The following COL8A1 variants were observed in gnomAD, a reference collection of about 807,000 sequenced individuals.
COL8A1 encodes the protein collagen type VIII alpha 1 chain.
COL8A1 carries 21 observed loss-of-function variants against 42.7 expected under a neutral mutation model. The observed-to-expected ratio is 0.49, with a 90% CI of 0.35 to 0.71. The LOEUF (loss-of-function observed/expected upper bound fraction) is 0.71, where lower values mean the gene tolerates loss of function less well. COL8A1 is among the 30% of genes least tolerant of loss of function. The pLI, the probability that COL8A1 is intolerant of heterozygous loss-of-function variation, is 0.01. For missense variants in COL8A1, 788 were observed against 962.4 expected, an observed-to-expected ratio of 0.82 and a Z score of 2.40; for synonymous variants, 367 against 369.1, an observed-to-expected ratio of 0.99 and a Z score of 0.06.
intron 2 of COL8A1, among the ~76,000 whole-genome samples, chr3:99,750,315 C>A (rs1009294328): frequency 1.3e-5 from 2 of 152,016 alleles, no homozygotes; most frequent in South Asian, 4.1e-4. Flanking sequence ...CCTCAGCCTC[C>A]CAAAGTGCTG....
At chr3:99,748,383 T>C (rs997517066) in intron 2 of COL8A1, among the ~76,000 whole-genome samples, 23 of 152,174 alleles carry the variant, frequency 1.5e-4, no homozygotes, top group Non-Finnish European at 4.4e-5. Flanking sequence ...TTCTAAGACT[T>C]GGAATGAAAA....
intron 1 of COL8A1, among the ~76,000 whole-genome samples, chr3:99,692,233 C>G (rs941435352): frequency 6.6e-6 from 1 of 152,146 alleles, no homozygotes; most frequent in Non-Finnish European, 1.5e-5. Flanking sequence ...TGCTCACAAG[C>G]CCAGTTTTAA....
chr3:99,688,486 C>G (rs1559779334), intron 1 of COL8A1, among the ~76,000 whole-genome samples: 2 of 152,194 alleles, frequency 1.3e-5, no homozygotes, highest in East Asian at 1.9e-4. Context: ...CTATAAGAAC[C>G]CTGGTGATCA....
At chr3:99,788,041 C>A (rs773098992) in intron 2 of COL8A1, among the ~76,000 whole-genome samples, 113 of 152,286 alleles carry the variant, frequency 7.4e-4, no homozygotes, top group Middle Eastern at 3.4e-3. Context: ...TTCTTTCTTG[C>A]CAGGTGTTTG....
intron 2 of COL8A1, among the ~76,000 whole-genome samples, chr3:99,779,900 T>C (rs935196806): frequency 6.6e-6 from 1 of 152,164 alleles, no homozygotes; most frequent in African/African-American, 2.4e-5. Context: ...TTATCATCGA[T>C]CTCAAGAACA....
At chr3:99,698,236 T>C (rs1309334125) in intron 1 of COL8A1, among the ~76,000 whole-genome samples, 4 of 152,230 alleles carry the variant, frequency 2.6e-5, no homozygotes, top group Non-Finnish European at 5.9e-5. Context: ...TTTGGGTTGC[T>C]TCCAAGTCTT....
chr3:99,795,947 C>T lies in COL8A1; in HGVS notation c.2046C>T (p.Asn682=), dbSNP rs758925301. ...GNVWVALFKN[N]EPVMYTYDEY... ...TGTGGGTTGCTCTATTCAAGAACAA[C>T]GAGCCCGTGATGTACACGTACGACG... The change falls in exon 4 of 4, where the codon AAC becomes AAT. Residue 682 remains asparagine, a synonymous_variant. Coordinates refer to ENST00000652472, the MANE Select transcript of COL8A1 (RefSeq NM_020351.4). 15 of 1,613,976 alleles carry T rather than the reference C, an allele frequency of 9.3e-6. No homozygotes were observed. The highest frequency in any genetic ancestry group is 3.3e-5 in the Admixed American group (2 of 60,002).
At chr3:99,673,351 T>A (rs1025279895) in intron 1 of COL8A1, among the ~76,000 whole-genome samples, 1 of 151,938 alleles carries the variant, frequency 6.6e-6, no homozygotes, top group African/African-American at 2.4e-5. Flanking sequence ...AGAGTAAAAG[T>A]CCTTAAATTT....
chr3:99,751,559 A>T (rs978734388), intron 2 of COL8A1, among the ~76,000 whole-genome samples: 12 of 152,232 alleles, frequency 7.9e-5, no homozygotes, highest in African/African-American at 2.2e-4. Flanking sequence ...ACTGAAAAAA[A>T]GAAAAGAAAA....
chr3:99,726,161 G>A (rs1025022853), intron 1 of COL8A1, among the ~76,000 whole-genome samples: 44 of 152,160 alleles, frequency 2.9e-4, no homozygotes, highest in South Asian at 1.0e-3. Context: ...TTCTCTGATG[G>A]CCAGTGATGA....
rs1241700309 is a variant in COL8A1 at position 99,725,128 on chromosome 3, G to A, written c.-128-19769G>A. On this transcript the variant is annotated intron_variant, in intron 1 of 3. Transcript: ENST00000652472. ...AGGCTTAATTTAGAGCAATTCTGGG[G>A]GGAGTGCTCTCTCTGGAAATCAAAT... Among the ~76,000 whole-genome samples, 5 of 151,966 alleles carry A rather than the reference G, an allele frequency of 3.3e-5. No individual in the cohort carries two copies. The East Asian group carries it at 7.7e-4, about 23-fold the overall frequency.
intron 1 of COL8A1, among the ~76,000 whole-genome samples, chr3:99,681,654 A>G (rs1938886423): frequency 6.6e-6 from 1 of 152,194 alleles, no homozygotes; most frequent in South Asian, 2.1e-4. Context: ...CAATTACAAC[A>G]GCAGGTGGTG....
At chr3:99,653,466 C>T (rs1274842316) in intron 1 of COL8A1, among the ~76,000 whole-genome samples, 1 of 151,902 alleles carries the variant, frequency 6.6e-6, no homozygotes, top group Non-Finnish European at 1.5e-5. Flanking sequence ...AATCTCCCCA[C>T]CAGTTCCCCT....
rs2107460658 is a variant in COL8A1 at position 99,795,572 on chromosome 3, C to A, written c.1671C>A (p.Gly557=). 6.2e-7 allele frequency: 1 copy of A among 1,608,834 alleles called. No individual in the cohort carries two copies. Among genetic ancestry groups the A allele is most frequent in the South Asian group, 1.1e-5 (1 of 90,678 alleles). ...PGALGPQGQP[G]LPGPPGPPGP... is the part of the protein sequence containing the mutation. ...CCCTTGGTCCTCAAGGCCAGCCTGGCCTTCCAGGACCCCCAGGCCCTCCAG... is the reference window on the plus strand; with the variant it reads ...CCCTTGGTCCTCAAGGCCAGCCTGGACTTCCAGGACCCCCAGGCCCTCCAG... The change falls in exon 4 of 4, where the codon GGC becomes GGA. Residue 557 remains glycine (G), a synonymous_variant. Coordinates refer to ENST00000652472, the MANE Select transcript of COL8A1 (RefSeq NM_020351.4).
At chr3:99,740,251 C>T (rs1418243106) in intron 1 of COL8A1, among the ~76,000 whole-genome samples, 1 of 152,198 alleles carries the variant, frequency 6.6e-6, no homozygotes, top group Non-Finnish European at 1.5e-5. Context: ...CCAAACTGTT[C>T]CCACCTCTGC....
At chr3:99,691,999 C>T (rs981129786) in intron 1 of COL8A1, 7 of 152,084 alleles carry the variant, frequency 4.6e-5, no homozygotes, top group Admixed American at 1.3e-4. Context: ...AATGAAATCA[C>T]GTTATTCCTG....
chr3:99,641,010 G>A (rs1338294403), intron 1 of COL8A1, among the ~76,000 whole-genome samples: 1 of 152,154 alleles, frequency 6.6e-6, no homozygotes, highest in Non-Finnish European at 1.5e-5. Context: ...GAGCTCTACT[G>A]ATTTTGAGGG....
Position 99,795,315 on chromosome 3 carries a change from C to T in COL8A1, c.1414C>T (p.Leu472Phe). 3 of 1,607,668 alleles carry T rather than the reference C, an allele frequency of 1.9e-6. No homozygotes were observed. Among genetic ancestry groups the T allele is most frequent in the Non-Finnish European group, 2.5e-6 (3 of 1,176,936 alleles). The part of the protein sequence containing the change: ...GEAGQKGVPG[L>F]PGVPGLLGPK... ...AGCTGGGCAAAAAGGTGTACCAGGA[C>T]TCCCTGGTGTTCCAGGGCTTCTCGG... The change falls in exon 4 of 4, where the codon CTC (leucine) becomes TTC (phenylalanine). Residue 472 changes from leucine (L) to phenylalanine (F), a missense_variant. By Grantham distance (22) the Leu-to-Phe change is conservative. Around this residue, in one of 4 missense-constraint regions of COL8A1, gnomAD observed 154 missense variants for 182.3 expected, o/e 0.84. Coordinates refer to ENST00000652472, the MANE Select transcript of COL8A1 (RefSeq NM_020351.4).
At chr3:99,683,811 T>C (rs548784829) in intron 1 of COL8A1, among the ~76,000 whole-genome samples, 5 of 152,292 alleles carry the variant, frequency 3.3e-5, no homozygotes, top group African/African-American at 4.8e-5. Flanking sequence ...CCCAATATTG[T>C]CATATTGCAA....
Sources: allele counts gnomAD v4.1 joint callset (sites outside exome capture counted in the v4.1 genomes callset), GRCh38; gene constraint gnomAD v4.1.1; regional missense constraint gnomAD v4.1.1; transcripts MANE v1.5; gene names NCBI Gene and HGNC (gene_info 2026-07-23, HGNC 2026-07-21).